The following CDK14 variants were observed in gnomAD, a reference collection of about 807,000 sequenced individuals.
CDK14 encodes the protein cyclin dependent kinase 14, also known as cyclin-dependent kinase 14.
A neutral mutation model predicts 60.7 loss-of-function variants in CDK14; 34 were observed. The ratio of observed to expected loss-of-function variants is 0.56; its 90% confidence interval spans 0.43 to 0.75. The LOEUF (loss-of-function observed/expected upper bound fraction) is 0.75. Ranked by LOEUF, CDK14 falls within the 30% of genes least tolerant of loss-of-function variation. The probability of loss-of-function intolerance (pLI) is 0.00; values close to 1 mark genes in which losing one functional copy is unlikely to be tolerated. For missense variants in CDK14, 482 were observed against 564.1 expected (o/e 0.85, Z 1.47); for synonymous variants, 197 against 203.7 (o/e 0.97, Z 0.28).
intron 2 of CDK14, among the ~76,000 whole-genome samples, chr7:90,611,973 C>T (rs1385564737): frequency 6.6e-6 from 1 of 151,798 alleles, no homozygotes; most frequent in Non-Finnish European, 1.5e-5. Context: ...GCTGGGATTA[C>T]AGACGCCCAC....
intron 2 of CDK14, among the ~76,000 whole-genome samples, chr7:90,704,470 T>G (rs1801854095): frequency 6.6e-6 from 1 of 152,138 alleles, no homozygotes; most frequent in South Asian, 2.1e-4. Flanking sequence ...TTTATTAGAA[T>G]TGTGTTGTTT....
rs1260442720 is a variant in CDK14, at chr7:90,826,610, GT to G, written c.544+35964del. Among the ~76,000 whole-genome samples, 9 of 152,084 alleles carry G rather than the reference GT, an allele frequency of 5.9e-5. No individual in the cohort carries two copies. In the East Asian group the frequency reaches 1.5e-3, roughly 26 times the overall value. On this transcript the variant is annotated intron_variant, in intron 5 of 14. Coordinates refer to ENST00000380050, the MANE Select transcript of CDK14 (RefSeq NM_001287135.2). ...CTAGCAGGAAGGCAAGGTTGGGGGA[GT>G]TTTTTGTTTTTTAAAAAGGCTTAAT... is the stretch of plus-strand genomic sequence containing the variant.
At chr7:91,142,959 T>C (rs1800511959) in intron 14 of CDK14, among the ~76,000 whole-genome samples, 1 of 152,128 alleles carries the variant, frequency 6.6e-6, no homozygotes, top group Non-Finnish European at 1.5e-5. Flanking sequence ...TGTCAAGCAG[T>C]TTACAGTGCA....
chr7:91,069,727 A>G (rs1405180435), intron 11 of CDK14, among the ~76,000 whole-genome samples: 1 of 152,218 alleles, frequency 6.6e-6, no homozygotes, highest in Non-Finnish European at 1.5e-5. Context: ...GTTTTACATC[A>G]TCCTTTTCAG....
chr7:90,644,473 C>G (rs1343938419), intron 2 of CDK14, among the ~76,000 whole-genome samples: 1 of 152,100 alleles, frequency 6.6e-6, no homozygotes, highest in Non-Finnish European at 1.5e-5. Flanking sequence ...CCTTGTTGAG[C>G]TTATGTCTAA....
At chr7:90,610,578 T>C (rs1799519608) in intron 2 of CDK14, among the ~76,000 whole-genome samples, 1 of 152,186 alleles carries the variant, frequency 6.6e-6, no homozygotes, top group African/African-American at 2.4e-5. Context: ...TGTCTCACAG[T>C]TCTGGAGACC....
chr7:90,901,911 G>T (rs1031322215), intron 7 of CDK14, among the ~76,000 whole-genome samples: 1 of 151,956 alleles, frequency 6.6e-6, no homozygotes, highest in Non-Finnish European at 1.5e-5. Context: ...AACTAATTCC[G>T]TAAAGTTGCA....
chr7:90,807,687 G>A (rs938464372), intron 5 of CDK14, among the ~76,000 whole-genome samples: 2 of 152,250 alleles, frequency 1.3e-5, no homozygotes, highest in East Asian at 1.9e-4. Flanking sequence ...GAGGAAGTCC[G>A]AACCCATGGC....
intron 3 of CDK14, among the ~76,000 whole-genome samples, chr7:90,731,833 C>G (rs1268612443): frequency 6.6e-6 from 1 of 151,980 alleles, no homozygotes. Context: ...CACTTTATTT[C>G]TTTCTCTTGC....
intron 2 of CDK14, among the ~76,000 whole-genome samples, chr7:90,644,927 A>G (rs1347516090): frequency 6.6e-6 from 1 of 152,230 alleles, no homozygotes; most frequent in Admixed American, 6.5e-5. Flanking sequence ...TTCTTTTTGC[A>G]TAAAGATTAG....
intron 5 of CDK14, among the ~76,000 whole-genome samples, chr7:90,862,459 A>T (rs964728892): frequency 2.4e-4 from 36 of 152,202 alleles, no homozygotes; most frequent in African/African-American, 8.2e-4. Flanking sequence ...CAAAGAAGAC[A>T]TACCAATCCT....
intron 1 of CDK14, among the ~76,000 whole-genome samples, chr7:90,598,704 A>ATTTGTT (rs1554416545): frequency 0.38 from 33,282 of 87,954 alleles, 6,981 homozygotes; most frequent in East Asian, 0.77. Flanking sequence ...TTATCTAAGG[A>ATTTGTT]TTTTTTTTTT....
intron 2 of CDK14, among the ~76,000 whole-genome samples, chr7:90,621,123 G>T (rs1214923030): frequency 6.6e-5 from 10 of 152,128 alleles, no homozygotes; most frequent in Admixed American, 6.5e-4. Flanking sequence ...GTGTGCATCT[G>T]GTCACAGGAT....
At chr7:90,696,081 A>G (rs942929686) in intron 2 of CDK14, among the ~76,000 whole-genome samples, 2 of 152,184 alleles carry the variant, frequency 1.3e-5, no homozygotes, top group African/African-American at 2.4e-5. Flanking sequence ...GGTCGCCTGT[A>G]TTAGGATGGG....
intron 5 of CDK14, among the ~76,000 whole-genome samples, chr7:90,828,049 A>G (rs980258885): frequency 3.3e-5 from 5 of 152,354 alleles, no homozygotes; most frequent in African/African-American, 9.6e-5. Context: ...GTAATACTTT[A>G]TGAACTAAAT....
chr7:90,964,770 A>G (rs1358496134), intron 9 of CDK14, among the ~76,000 whole-genome samples: 3 of 152,182 alleles, frequency 2.0e-5, no homozygotes, highest in Admixed American at 6.6e-5. Context: ...GCTTCTGTCA[A>G]CCTTACTTCA....
chr7:91,086,189 CT>C (rs1233928562), intron 12 of CDK14, among the ~76,000 whole-genome samples: 2 of 152,160 alleles, frequency 1.3e-5, no homozygotes, highest in East Asian at 3.9e-4. Context: ...TTTATTTTTG[CT>C]TCTCACCCCT....
chr7:90,870,182 T>C (rs531918067), intron 6 of CDK14, among the ~76,000 whole-genome samples: 65 of 152,352 alleles, frequency 4.3e-4, no homozygotes, highest in African/African-American at 1.5e-3. Context: ...AGAGATCATG[T>C]CCTTTGCAGG....
intron 14 of CDK14, among the ~76,000 whole-genome samples, chr7:91,187,612 A>G (rs984472467): frequency 1.3e-5 from 2 of 152,180 alleles, no homozygotes; most frequent in South Asian, 4.1e-4. Context: ...GACACACACG[A>G]GGAGTGAGTT....
Sources: gnomAD v4.1 joint callset for allele counts (sites outside exome capture counted in the v4.1 genomes callset) on GRCh38, gnomAD v4.1.1 for gene constraint, MANE v1.5 for transcripts, NCBI Gene and HGNC (gene_info 2026-07-23, HGNC 2026-07-21) for gene names.